ELAPOR2: variants seen among roughly 807,000 people sequenced by gnomAD.
ELAPOR2 encodes the protein endosome/lysosome-associated apoptosis and autophagy regulator family member 2.
In ELAPOR2, 89 loss-of-function variants were observed where a neutral mutation model predicts 120.7. The ratio of observed to expected loss-of-function variants is 0.74; its 90% CI spans 0.62 to 0.88. ELAPOR2 has a LOEUF of 0.88. ELAPOR2 is among the 40% of genes least tolerant of loss of function. The pLI, the probability that ELAPOR2 is intolerant of heterozygous loss-of-function variation, is 0.00. For missense variants in ELAPOR2, 1,134 were observed against 1,251.6 expected (o/e 0.91, Z 1.42); for synonymous variants, 444 against 444.9 (o/e 1.00, Z 0.03).
At chr7:86,914,133 T>A (rs1475535970) in intron 13 of ELAPOR2, among the ~76,000 whole-genome samples, 2 of 152,096 alleles carry the variant, frequency 1.3e-5, no homozygotes, top group Non-Finnish European at 2.9e-5. Context: ...CTTGGGAAGG[T>A]TACATCTATA....
intron 12 of ELAPOR2, among the ~76,000 whole-genome samples, chr7:86,916,991 A>T (rs1345220187): frequency 1.9e-5 from 2 of 105,008 alleles, no homozygotes; most frequent in South Asian, 3.5e-4. Flanking sequence ...TTTTGGGTAG[A>T]GATGGGGTTT....
At chr7:86,908,060 T>C (rs1334435438) in intron 17 of ELAPOR2, among the ~76,000 whole-genome samples, 3 of 151,820 alleles carry the variant, frequency 2.0e-5, no homozygotes, top group African/African-American at 4.8e-5. Context: ...AAAGACCATG[T>C]CTACTTAGGC....
At chr7:86,983,572 C>G (rs1448601396) in intron 1 of ELAPOR2, among the ~76,000 whole-genome samples, 1 of 152,148 alleles carries the variant, frequency 6.6e-6, no homozygotes, top group Admixed American at 6.6e-5. Context: ...CAGGATTTCA[C>G]AGCCAGCCAA....
chr7:86,994,934 A>G (rs1249591436), intron 1 of ELAPOR2, among the ~76,000 whole-genome samples: 1 of 152,208 alleles, frequency 6.6e-6, no homozygotes. Flanking sequence ...AATCCCACTC[A>G]AAATGGTTTT....
chr7:86,995,139 G>A (rs1484331127), intron 1 of ELAPOR2, among the ~76,000 whole-genome samples: 2 of 152,124 alleles, frequency 1.3e-5, no homozygotes, highest in Non-Finnish European at 2.9e-5. Context: ...CAAGACAGTA[G>A]CCAGACAAAA....
intron 6 of ELAPOR2, 41 bp downstream of exon 6, chr7:86,939,969 G>A: frequency 1.6e-6 from 2 of 1,233,112 alleles, no homozygotes; most frequent in Middle Eastern, 1.9e-4. Flanking sequence ...CTAACTGTAA[G>A]ATGTGACTGG....
intron 1 of ELAPOR2, among the ~76,000 whole-genome samples, chr7:87,033,982 G>A (rs1395767262): frequency 2.0e-5 from 3 of 151,986 alleles, no homozygotes; most frequent in Non-Finnish European, 4.4e-5. Flanking sequence ...GGTTATTCAG[G>A]GAACAAAGTC....
chr7:87,010,451 G>GA (rs1242857735), intron 1 of ELAPOR2, among the ~76,000 whole-genome samples: 1 of 152,032 alleles, frequency 6.6e-6, no homozygotes, highest in East Asian at 1.9e-4. Flanking sequence ...TAGCATTTCA[G>GA]AAAAAAACAA....
Position 87,039,828 on chromosome 7 carries a change from C to T in ELAPOR2, c.189+19497G>A, listed in dbSNP as rs1020154778. 5.9e-5 allele frequency among the ~76,000 whole-genome samples: 9 copies of T among 152,212 alleles called. No homozygotes were observed. In the East Asian group the frequency reaches 1.2e-3, roughly 20 times the overall value. On this transcript the variant is annotated intron_variant, in intron 1 of 21. Coordinates refer to ENST00000450689, the MANE Select transcript of ELAPOR2 (RefSeq NM_001142749.3). Reference sequence around the variant, plus strand: ...CTCCCAGCGTGAGCGACGCAGAAGACGGGTGATTTCTGCATTTCCATCTGA... The same window carrying T: ...CTCCCAGCGTGAGCGACGCAGAAGATGGGTGATTTCTGCATTTCCATCTGA...
intron 1 of ELAPOR2, among the ~76,000 whole-genome samples, chr7:86,982,943 A>G (rs1792561616): frequency 6.6e-6 from 1 of 152,262 alleles, no homozygotes; most frequent in Non-Finnish European, 1.5e-5. Context: ...CCTTGAAAAA[A>G]GATTAGATGA....
At chr7:86,985,082 T>A (rs1471777309) in intron 1 of ELAPOR2, among the ~76,000 whole-genome samples, 1 of 152,084 alleles carries the variant, frequency 6.6e-6, no homozygotes, top group Non-Finnish European at 1.5e-5. Flanking sequence ...CTAGAAAATC[T>A]AGAAGAAATT....
chr7:86,969,349 T>C (rs1792026473), intron 1 of ELAPOR2, among the ~76,000 whole-genome samples: 1 of 152,150 alleles, frequency 6.6e-6, no homozygotes, highest in Admixed American at 6.6e-5. Flanking sequence ...AGTTAAAATA[T>C]AGACTAGATA....
intron 1 of ELAPOR2, among the ~76,000 whole-genome samples, chr7:86,972,239 A>C (rs1164573989): frequency 6.6e-6 from 1 of 152,158 alleles, no homozygotes; most frequent in Non-Finnish European, 1.5e-5. Context: ...GCTTGGTTGT[A>C]TCGCTCATCA....
At chr7:86,926,546 G>A (rs567276412) in intron 9 of ELAPOR2, among the ~76,000 whole-genome samples, 190 bp downstream of exon 9, 5 of 151,946 alleles carry the variant, frequency 3.3e-5, no homozygotes, top group Non-Finnish European at 7.4e-5. Context: ...TGGATAGTAA[G>A]TATACAACAT....
At chr7:87,009,966 T>C (rs1793601771) in intron 1 of ELAPOR2, among the ~76,000 whole-genome samples, 1 of 149,274 alleles carries the variant, frequency 6.7e-6, no homozygotes, top group Non-Finnish European at 1.5e-5. Context: ...TTTGAAGGTC[T>C]TTCCAGGTAA....
At position 86,931,365 on chromosome 7, in the gene ELAPOR2, G is replaced by A. The variant is rs376975588; in HGVS notation, c.1090-4449C>T. On this transcript the variant is annotated intron_variant, in intron 8 of 21. Transcript: ENST00000450689. ...CCAAAAGAAACACAAAATGCCATGA[G>A]TGCCCAAAGGAAAGATATCAAATCT... Among the ~76,000 whole-genome samples the A allele has an allele frequency of 2.0e-4, 30 of 152,008 alleles. No homozygotes were observed. In the East Asian group the frequency reaches 5.0e-3, roughly 26 times the overall value.
At chr7:87,023,739 A>C (rs561101110) in intron 1 of ELAPOR2, among the ~76,000 whole-genome samples, 4,675 of 151,908 alleles carry the variant, frequency 0.031, 242 homozygotes, top group African/African-American at 0.1. Flanking sequence ...CTTTTATTTC[A>C]TTGAGCAGTG....
intron 1 of ELAPOR2, among the ~76,000 whole-genome samples, chr7:87,035,087 C>CAAAAA (rs1167618353): frequency 9.6e-5 from 8 of 83,306 alleles, no homozygotes; most frequent in Non-Finnish European, 1.9e-4. Context: ...AACTCCGTCT[C>CAAAAA]AAAAAAAAAA....
intron 1 of ELAPOR2, among the ~76,000 whole-genome samples, chr7:86,977,753 T>C (rs76647209): frequency 2.6e-5 from 4 of 152,126 alleles, no homozygotes; most frequent in Non-Finnish European, 5.9e-5. Context: ...TAGAAAATAG[T>C]GAAGCACATA....
Sources: gnomAD v4.1 joint callset for allele counts (sites outside exome capture counted in the v4.1 genomes callset) on GRCh38, gnomAD v4.1.1 for gene constraint, MANE v1.5 for transcripts, NCBI Gene and HGNC (gene_info 2026-07-23, HGNC 2026-07-21) for gene names.